LTO1: variants seen among roughly 807,000 people sequenced by gnomAD.
The protein encoded by LTO1 is protein LTO1 homolog.
A neutral mutation model predicts 19.8 loss-of-function variants in LTO1; 18 were observed. The observed-to-expected ratio is 0.91, with a 90% CI of 0.63 to 1.35. LTO1 has a LOEUF of 1.35. LTO1 is among the 40% of genes most tolerant of loss of function. The pLI, the probability that LTO1 is intolerant of heterozygous loss-of-function variation, is 0.00. For missense variants in LTO1, 175 were observed against 167.9 expected (o/e 1.04, Z -0.23); for synonymous variants, 59 against 59.6 (o/e 0.99, Z 0.05).
rs1468569085 is a variant in LTO1, at chr11:69,666,173, A to T, written c.*1346T>A. 1 of 152,200 alleles carries T rather than the reference A, an allele frequency of 6.6e-6. No homozygotes were observed. The highest frequency in any genetic ancestry group is 2.4e-5 in the African/African-American group (1 of 41,438). 9.4% of individuals were successfully genotyped at this position (152,200 alleles called of 1,614,324 possible). A position where few individuals can be genotyped will look rare whatever the true frequency, so the allele number is the denominator to read the frequency against. On this transcript the variant is annotated 3_prime_UTR_variant, in exon 5 of 5. Coordinates refer to ENST00000279147, the MANE Select transcript of LTO1 (RefSeq NM_153451.3). ...CCGTCTTAAAAGAAAAAACAAAACAAAAACAAAGCGAGCCACCGTGGAGAT... is the reference window on the plus strand; with the variant it reads ...CCGTCTTAAAAGAAAAAACAAAACATAAACAAAGCGAGCCACCGTGGAGAT...
rs1449545215 is a variant in LTO1, at chr11:69,667,250, C to A, written c.*269G>T. The A allele has an allele frequency of 2.0e-6, 1 of 503,910 alleles. No individual in the cohort carries two copies. The highest frequency in any genetic ancestry group is 3.5e-6 in the Non-Finnish European group (1 of 285,298). 31.2% of individuals were successfully genotyped at this position (503,910 alleles called of 1,614,324 possible). A position where few individuals can be genotyped will look rare whatever the true frequency, so the allele number is the denominator to read the frequency against. On this transcript the variant is annotated 3_prime_UTR_variant, in exon 5 of 5. Transcript: ENST00000279147. Reference sequence around the variant, plus strand: ...CCCAGAACCAGCTAGGCCTGTGCTGCCGGAGAGGCTGTCAAGTCAATGCAC... The same window carrying A: ...CCCAGAACCAGCTAGGCCTGTGCTGACGGAGAGGCTGTCAAGTCAATGCAC...
At chr11:69,670,194 G>A (rs1213103314) in intron 3 of LTO1, among the ~76,000 whole-genome samples, 1 of 152,206 alleles carries the variant, frequency 6.6e-6, no homozygotes, top group African/African-American at 2.4e-5. Context: ...TTCTCTGTTA[G>A]CTAGACTGAG....
chr11:69,672,161 C>T (rs59460738), intron 2 of LTO1: 2,895 of 275,080 alleles, frequency 0.011, 74 homozygotes, highest in African/African-American at 0.055. Flanking sequence ...GCCTCACCAG[C>T]TCTCTTGGAC....
chr11:69,669,586 C>T (rs975404832), intron 3 of LTO1, among the ~76,000 whole-genome samples: 1 of 152,216 alleles, frequency 6.6e-6, no homozygotes, highest in Non-Finnish European at 1.5e-5. Flanking sequence ...GAGGACCACG[C>T]ACTTTCCACT....
At chr11:69,674,722 T>G (rs1389123965) in intron 1 of LTO1, 1 of 457,598 alleles carries the variant, frequency 2.2e-6, no homozygotes, top group African/African-American at 2.0e-5. Flanking sequence ...AGGAGGCAAC[T>G]CACAGCTCCC....
In LTO1 at chr11:69,667,480, T is replaced by C. The variant is rs762055884; in HGVS notation, c.*39A>G. The C allele has an allele frequency of 3.0e-6, 4 of 1,320,246 alleles. No homozygotes were observed. Among genetic ancestry groups the C allele is most frequent in the Non-Finnish European group, 4.4e-6 (4 of 912,206 alleles). The allele number at this position is 1,320,246 out of a possible 1,614,324, so 81.8% of individuals were successfully genotyped here. On this transcript the variant is annotated 3_prime_UTR_variant, in exon 5 of 5. Coordinates refer to ENST00000279147, the MANE Select transcript of LTO1 (RefSeq NM_153451.3). ...CATTTCTAAACACGTCACACACACATCTGTTCCTCGACGTTCGGTCTCTGT... is the reference window on the plus strand; with the variant it reads ...CATTTCTAAACACGTCACACACACACCTGTTCCTCGACGTTCGGTCTCTGT...
chr11:69,675,151 C>A, intron 1 of LTO1, 39 bp downstream of exon 1: 4 of 1,582,566 alleles, frequency 2.5e-6, no homozygotes, highest in Admixed American at 1.8e-5. Flanking sequence ...TGGGAGACGA[C>A]CAGACAGGGC....
rs982166123 is a variant in LTO1 at position 69,675,336 on chromosome 11, G to A, written c.-97C>T. 1.9e-6 allele frequency: 2 copies of A among 1,029,318 alleles called. No individual in the cohort carries two copies. Among genetic ancestry groups the A allele is most frequent in the Non-Finnish European group, 2.7e-6 (2 of 731,302 alleles). 63.8% of individuals were successfully genotyped at this position (1,029,318 alleles called of 1,614,324 possible). A position where few individuals can be genotyped will look rare whatever the true frequency, so the allele number is the denominator to read the frequency against. The stretch of plus-strand genomic sequence containing the variant: ...CAGGCACAAATGCTCCGCTTGGGAG[G>A]AGACGAGACCCACTTCCGGAAGCGG... On this transcript the variant is annotated 5_prime_UTR_variant, in exon 1 of 5. Coordinates refer to ENST00000279147, the MANE Select transcript of LTO1 (RefSeq NM_153451.3).
chr11:69,675,106 C>T, intron 1 of LTO1, 84 bp downstream of exon 1: 2 of 1,288,244 alleles, frequency 1.6e-6, no homozygotes, highest in Non-Finnish European at 2.2e-6. Context: ...CAGGCTCCAG[C>T]AGCCGCCCTG....
Position 69,671,796 on chromosome 11 carries a change from A to G in LTO1, c.180T>C (p.Ala60=), listed in dbSNP as rs1856113777. 1 of 1,602,694 alleles carries G rather than the reference A, an allele frequency of 6.2e-7. No homozygotes were observed. The highest frequency in any genetic ancestry group is 8.5e-7 in the Non-Finnish European group (1 of 1,169,634). The part of the protein sequence containing the change: ...GSEIGCYQGF[A]FAWKCLLHSC... ...TGTGCAGTAGACATTTCCATGCAAAAGCAAAACCTTGGTAGCACCCGATCT... is the reference window on the plus strand; with the variant it reads ...TGTGCAGTAGACATTTCCATGCAAAGGCAAAACCTTGGTAGCACCCGATCT... The change falls in exon 3 of 5, where the codon GCT becomes GCC. Residue 60 remains alanine, a synonymous_variant. Transcript: ENST00000279147.
chr11:69,674,801 T>G, intron 1 of LTO1: 1 of 480,800 alleles, frequency 2.1e-6, no homozygotes, highest in South Asian at 1.5e-5. Flanking sequence ...GGTACATCTA[T>G]CAGCACATCC....
chr11:69,667,624 G>A lies in LTO1; in HGVS notation c.346-37C>T. On this transcript the variant is annotated intron_variant, in intron 4 of 4. Coordinates refer to ENST00000279147, the MANE Select transcript of LTO1 (RefSeq NM_153451.3). Reference sequence around the variant, plus strand: ...AAAGAGATGGTATTTTTAATCTTGTGCATTTTTACTGAAAAATGAGAAGAT... The same window carrying A: ...AAAGAGATGGTATTTTTAATCTTGTACATTTTTACTGAAAAATGAGAAGAT... The A allele has an allele frequency of 2.1e-6, 3 of 1,408,530 alleles. 1 individual carries two copies. The South Asian group carries it at 3.5e-5, about 16-fold the overall frequency. The allele number at this position is 1,408,530 out of a possible 1,614,324, so 87.3% of individuals were successfully genotyped here. A position where few individuals can be genotyped will look rare whatever the true frequency, so the allele number is the denominator to read the frequency against.
In LTO1 at chr11:69,667,605, A is replaced by G; in HGVS notation, c.346-18T>C. Reference sequence around the variant, plus strand: ...GAACAAAACTGAAAACACAAAAGAGATGGTATTTTTAATCTTGTGCATTTT... The same window carrying G: ...GAACAAAACTGAAAACACAAAAGAGGTGGTATTTTTAATCTTGTGCATTTT... On this transcript the variant is annotated intron_variant, in intron 4 of 4. Coordinates refer to ENST00000279147, the MANE Select transcript of LTO1 (RefSeq NM_153451.3). The G allele has an allele frequency of 6.4e-7, 1 of 1,552,530 alleles. No homozygotes were observed. Among genetic ancestry groups the G allele is most frequent in the African/African-American group, 1.4e-5 (1 of 73,776 alleles).
At chr11:69,668,427 T>G (rs1856064183) in intron 3 of LTO1, 1 of 161,662 alleles carries the variant, frequency 6.2e-6, no homozygotes, top group African/African-American at 2.4e-5. Flanking sequence ...CTTCCAAAGT[T>G]CAGCTGCAGG....
chr11:69,674,876 G>C, intron 1 of LTO1: 2 of 638,438 alleles, frequency 3.1e-6, no homozygotes, highest in South Asian at 1.5e-5. Context: ...AGATGGCAAA[G>C]GTCTGTCCTC....
At chr11:69,674,248 G>C (rs1479298856) in intron 1 of LTO1, among the ~76,000 whole-genome samples, 2 of 152,174 alleles carry the variant, frequency 1.3e-5, no homozygotes, top group African/African-American at 4.8e-5. Context: ...ACTAGCCCAA[G>C]TCAACCGCTT....
At chr11:69,673,440 G>T in intron 1 of LTO1, 119 bp from the exon 2 acceptor site, 1 of 672,494 alleles carries the variant, frequency 1.5e-6, no homozygotes, top group Non-Finnish European at 2.6e-6. Context: ...AGGAGGAAAA[G>T]CCTAAAATTC....
intron 3 of LTO1, among the ~76,000 whole-genome samples, chr11:69,670,703 G>T (rs186375455): frequency 6.6e-6 from 1 of 152,294 alleles, no homozygotes; most frequent in Non-Finnish European, 1.5e-5. Context: ...CACTCTCCTT[G>T]TGCCCCTCCC....
At chr11:69,673,861 A>G (rs780160117) in intron 1 of LTO1, among the ~76,000 whole-genome samples, 6 of 151,510 alleles carry the variant, frequency 4.0e-5, no homozygotes, top group Non-Finnish European at 8.8e-5. Context: ...CCTGCAATCC[A>G]CTTTTCTTTT....
Sources: gnomAD v4.1 joint callset for allele counts (sites outside exome capture counted in the v4.1 genomes callset) on GRCh38, gnomAD v4.1.1 for gene constraint, MANE v1.5 for transcripts, NCBI Gene and HGNC (gene_info 2026-07-23, HGNC 2026-07-21) for gene names.